Variants in SPICE1 observed in about 807,000 individuals in gnomAD.
SPICE1 encodes the protein spindle and centriole associated protein 1.
SPICE1 carries 75 observed loss-of-function variants against 102.7 expected under a neutral mutation model. The observed-to-expected ratio is 0.73, with a 90% CI of 0.61 to 0.88. The LOEUF is 0.88. Ranked by LOEUF, SPICE1 falls within the 40% of genes least tolerant of loss-of-function variation. SPICE1 has a pLI of 0.00. For missense variants in SPICE1, 979 were observed against 1,020.1 expected, an observed-to-expected ratio of 0.96 and a Z score of 0.55; for synonymous variants, 308 against 350.3, an observed-to-expected ratio of 0.88 and a Z score of 1.35.
intron 16 of SPICE1, among the ~76,000 whole-genome samples, chr3:113,446,976 G>A (rs546785435): frequency 3.3e-5 from 5 of 152,150 alleles, no homozygotes; most frequent in East Asian, 1.9e-4. Flanking sequence ...CATGGGGGCC[G>A]GTCTTTCCCA....
chr3:113,506,868 A>C (rs1248628277), intron 1 of SPICE1, among the ~76,000 whole-genome samples: 1 of 152,230 alleles, frequency 6.6e-6, no homozygotes, highest in Non-Finnish European at 1.5e-5. Context: ...GAATGCAGAA[A>C]TTATGGCCTA....
At chr3:113,469,272 TTATAA>T in intron 7 of SPICE1, 34 bp from the exon 8 acceptor site, 1 of 1,142,464 alleles carries the variant, frequency 8.8e-7, no homozygotes, top group Non-Finnish European at 1.1e-6. Context: ...TACATGAGAA[TTATAA>T]TATAAATTAA....
chr3:113,456,484 A>G (rs1200508881), intron 13 of SPICE1, among the ~76,000 whole-genome samples: 2 of 152,170 alleles, frequency 1.3e-5, no homozygotes, highest in Non-Finnish European at 2.9e-5. Flanking sequence ...GGGGACAAAT[A>G]AATTTAATCT....
chr3:113,458,045 TAA>T (rs1021987718), intron 12 of SPICE1, among the ~76,000 whole-genome samples: 8 of 152,220 alleles, frequency 5.3e-5, no homozygotes, highest in African/African-American at 1.9e-4. Context: ...CATAGTATTT[TAA>T]AAGAGTTACA....
intron 6 of SPICE1, 87 bp from the exon 7 acceptor site, chr3:113,489,150 A>T (rs144050241): frequency 1.3e-6 from 1 of 775,868 alleles, no homozygotes; most frequent in African/African-American, 1.7e-5. Flanking sequence ...AACAGAAGAG[A>T]GTTCCCTCCT....
intron 13 of SPICE1, among the ~76,000 whole-genome samples, chr3:113,455,246 G>T (rs1015091064): frequency 6.6e-6 from 1 of 152,080 alleles, no homozygotes; most frequent in African/African-American, 2.4e-5. Context: ...TGGGAGATCA[G>T]AAAATGAAAT....
In SPICE1 at chr3:113,446,550, AC is replaced by A. The variant is rs752675256; in HGVS notation, c.2514+38del. ...ACTAAATCAGCCACCTTCTACCCTC[AC>A]CCCTATATGCATTTCACAATTACAT... On this transcript the variant is annotated intron_variant, in intron 17 of 17. Transcript: ENST00000295872. 1,094 of 1,456,472 alleles carry A rather than the reference AC, an allele frequency of 7.5e-4. 3 individuals are homozygous for A. In the Middle Eastern group the frequency reaches 0.012, roughly 16 times the overall value. The allele number at this position is 1,456,472 out of a possible 1,614,324, so 90.2% of individuals were successfully genotyped here.
At chr3:113,472,748 G>A (rs1028906805) in intron 7 of SPICE1, among the ~76,000 whole-genome samples, 5 of 152,116 alleles carry the variant, frequency 3.3e-5, no homozygotes, top group South Asian at 2.1e-4. Flanking sequence ...AGGAAAACTA[G>A]CAAACAGAAA....
At chr3:113,450,649 T>C (rs947703729) in intron 14 of SPICE1, 133 bp from the exon 15 acceptor site, 66 of 846,882 alleles carry the variant, frequency 7.8e-5, no homozygotes, top group Non-Finnish European at 1.1e-4. Flanking sequence ...CTATCTCGGC[T>C]CACTGCAACA....
At chr3:113,446,489 T>G in intron 17 of SPICE1, 100 bp downstream of exon 17, 1 of 891,752 alleles carries the variant, frequency 1.1e-6, no homozygotes, top group African/African-American at 1.7e-5. Flanking sequence ...CATACCAGCT[T>G]TAGGATAACA....
chr3:113,467,471 T>C (rs1181970415), intron 10 of SPICE1, among the ~76,000 whole-genome samples: 7 of 152,158 alleles, frequency 4.6e-5, no homozygotes, highest in Non-Finnish European at 8.8e-5. Context: ...TTTGTATTTT[T>C]AGTAGAGACA....
At chr3:113,454,258 A>G (rs1467058331) in intron 13 of SPICE1, among the ~76,000 whole-genome samples, 1 of 152,214 alleles carries the variant, frequency 6.6e-6, no homozygotes, top group Non-Finnish European at 1.5e-5. Flanking sequence ...AAGTGGGTAT[A>G]AGTACCCAAT....
chr3:113,485,469 G>T (rs1235916560), intron 7 of SPICE1, among the ~76,000 whole-genome samples: 1 of 152,170 alleles, frequency 6.6e-6, no homozygotes, highest in Non-Finnish European at 1.5e-5. Flanking sequence ...CCACCAGGAA[G>T]TTCAAACTGG....
intron 1 of SPICE1, chr3:113,514,623 A>C: frequency 4.1e-6 from 2 of 486,266 alleles, no homozygotes; most frequent in Non-Finnish European, 7.9e-6. Flanking sequence ...TCTCTTCTCT[A>C]CTGGGTTAAC....
intron 7 of SPICE1, among the ~76,000 whole-genome samples, chr3:113,471,869 G>C (rs1936207763): frequency 6.6e-6 from 1 of 152,218 alleles, no homozygotes; most frequent in African/African-American, 2.4e-5. Context: ...TGACACAGAA[G>C]ATGGGTGATT....
At chr3:113,460,853 G>T in intron 11 of SPICE1, 89 bp from the exon 12 acceptor site, 1 of 1,198,318 alleles carries the variant, frequency 8.3e-7, no homozygotes, top group Non-Finnish European at 1.2e-6. Context: ...GGATACGTGT[G>T]TTTAATATCA....
chr3:113,472,060 A>C (rs1435182360), intron 7 of SPICE1, among the ~76,000 whole-genome samples: 1 of 152,244 alleles, frequency 6.6e-6, no homozygotes, highest in Non-Finnish European at 1.5e-5. Context: ...GACAGACGGC[A>C]CCTGGAAAAT....
intron 11 of SPICE1, 95 bp from the exon 12 acceptor site, chr3:113,460,859 T>A: frequency 2.6e-6 from 3 of 1,141,540 alleles, no homozygotes; most frequent in Middle Eastern, 2.1e-4. Context: ...GTGTGTTTAA[T>A]ATCATATCAA....
chr3:113,462,277 A>T (rs1015092898), intron 11 of SPICE1, among the ~76,000 whole-genome samples: 4 of 152,158 alleles, frequency 2.6e-5, no homozygotes, highest in Admixed American at 1.3e-4. Context: ...ACTGTTCCCA[A>T]ACTGTTTGCT....
Sources: gnomAD v4.1 joint callset for allele counts (sites outside exome capture counted in the v4.1 genomes callset) on GRCh38, gnomAD v4.1.1 for gene constraint, MANE v1.5 for transcripts, NCBI Gene and HGNC (gene_info 2026-07-23, HGNC 2026-07-21) for gene names.